The following ADGRL2 variants were observed in gnomAD, a reference collection of about 807,000 sequenced individuals.
The protein encoded by ADGRL2 is adhesion G protein-coupled receptor L2.
In ADGRL2, 44 loss-of-function variants were observed where a neutral mutation model predicts 157.4. The observed-to-expected ratio is 0.28, with a 90% CI of 0.22 to 0.36. ADGRL2 has a LOEUF of 0.36. ADGRL2 is among the 10% of genes least tolerant of loss of function. The pLI is 1.00. For synonymous variants in ADGRL2, 585 were observed against 624.7 expected (o/e 0.94, Z 0.95); for missense variants, 1,510 against 1,768.9 (o/e 0.85, Z 2.63).
In ADGRL2 at chr1:81,422,885, A is replaced by G. The variant is rs188626246; in HGVS notation, c.-301-22151A>G. 1.9e-3 allele frequency among the ~76,000 whole-genome samples: 297 copies of G among 152,354 alleles called. 1 individual carries two copies. The highest frequency in any genetic ancestry group is 0.012 in the South Asian group (56 of 4,832). ...TGTTTGCTTTTGTCCCAAAACATAC[A>G]CAATGTATTTCAAATCTATGCTGTG... On this transcript the variant is annotated intron_variant, in intron 1 of 24. Coordinates refer to the ADGRL2 transcript ENST00000370721.
chr1:81,481,267 T>G (rs575534370), intron 2 of ADGRL2, among the ~76,000 whole-genome samples: 5 of 152,338 alleles, frequency 3.3e-5, no homozygotes, highest in African/African-American at 1.2e-4. Flanking sequence ...AAAATTTAAC[T>G]TTAGAAACAA....
intron 11 of ADGRL2, among the ~76,000 whole-genome samples, chr1:81,962,283 A>AT (rs1310779996): frequency 3.3e-5 from 5 of 152,080 alleles, no homozygotes; most frequent in African/African-American, 1.2e-4. Flanking sequence ...CTTCATGTTG[A>AT]TTTTTTTAAC....
At chr1:81,726,681 A>C (rs114576363) in intron 1 of ADGRL2, among the ~76,000 whole-genome samples, 1 of 152,326 alleles carries the variant, frequency 6.6e-6, no homozygotes, top group Admixed American at 6.5e-5. Context: ...CATGTTCACT[A>C]TACGTACTCT....
chr1:81,650,535 C>T (rs1423571987), intron 3 of ADGRL2, among the ~76,000 whole-genome samples: 1 of 145,176 alleles, frequency 6.9e-6, no homozygotes, highest in Admixed American at 7.0e-5. Context: ...GAGATCGTGC[C>T]ACTGCACTCT....
rs1485069008 is a variant in ADGRL2, at chr1:81,663,762, G to T, written c.-143+82782G>T. Among the ~76,000 whole-genome samples the T allele has an allele frequency of 1.1e-4, 16 of 152,188 alleles. No individual in the cohort carries two copies. In the East Asian group the frequency reaches 3.1e-3, roughly 29 times the overall value. On this transcript the variant is annotated intron_variant, in intron 3 of 24. Transcript: ENST00000370721. ...ATTTGCAGGGTCCAGGCATTTGCTG[G>T]TCATGCTAATCGTTAAAGTCATGTT...
At chr1:81,957,945 G>C (rs1377340393) in intron 11 of ADGRL2, among the ~76,000 whole-genome samples, 1 of 151,758 alleles carries the variant, frequency 6.6e-6, no homozygotes, top group Admixed American at 6.6e-5. Context: ...GCAGGCGGAT[G>C]AGGTCAGGAG....
At chr1:81,521,052 A>C (rs2079302501) in intron 2 of ADGRL2, among the ~76,000 whole-genome samples, 1 of 152,222 alleles carries the variant, frequency 6.6e-6, no homozygotes, top group Non-Finnish European at 1.5e-5. Flanking sequence ...ATCACATTGG[A>C]TAGAACTGCT....
intron 1 of ADGRL2, among the ~76,000 whole-genome samples, chr1:81,347,326 G>A (rs1184990975): frequency 4.6e-5 from 7 of 151,966 alleles, no homozygotes; most frequent in East Asian, 1.9e-4. Context: ...GCTTGAACCC[G>A]GGAAGCAGAG....
In ADGRL2 at chr1:81,399,353, T is replaced by C. The variant is rs76382678; in HGVS notation, c.-301-45683T>C. Among the ~76,000 whole-genome samples the C allele has an allele frequency of 7.2e-3, 1,098 of 152,360 alleles. 17 individuals are homozygous for C. Among genetic ancestry groups the C allele is most frequent in the South Asian group, 0.055 (265 of 4,828 alleles). ...ATTTGGGGATTTTTCAGCTATAATTTTATTATATAGGTTTTCTATGCCTTT... is the reference window on the plus strand; with the variant it reads ...ATTTGGGGATTTTTCAGCTATAATTCTATTATATAGGTTTTCTATGCCTTT... On this transcript the variant is annotated intron_variant, in intron 1 of 24. Coordinates refer to the ADGRL2 transcript ENST00000370721.
At chr1:81,416,530 A>T (rs1424548794) in intron 1 of ADGRL2, among the ~76,000 whole-genome samples, 1 of 152,214 alleles carries the variant, frequency 6.6e-6, no homozygotes, top group Non-Finnish European at 1.5e-5. Context: ...TAGTAGATTA[A>T]ATAATCAGTT....
intron 2 of ADGRL2, among the ~76,000 whole-genome samples, chr1:81,487,108 A>AAAAAAAAAAAT (rs537612028): frequency 4.4e-5 from 6 of 135,492 alleles, no homozygotes; most frequent in Non-Finnish European, 6.3e-5. Context: ...AAAAAAAAAA[A>AAAAAAAAAAAT]AGAAAGTAAA....
intron 1 of ADGRL2, among the ~76,000 whole-genome samples, chr1:81,357,497 T>C (rs1663401858): frequency 6.6e-6 from 1 of 152,204 alleles, no homozygotes; most frequent in African/African-American, 2.4e-5. Flanking sequence ...TATTAGGATA[T>C]AACTCAATGT....
intron 2 of ADGRL2, among the ~76,000 whole-genome samples, chr1:81,893,007 A>G (rs2094302374): frequency 6.6e-6 from 1 of 152,128 alleles, no homozygotes; most frequent in Non-Finnish European, 1.5e-5. Flanking sequence ...TTGTAAAGAA[A>G]CTTCTTCAAG....
intron 1 of ADGRL2, among the ~76,000 whole-genome samples, chr1:81,801,752 C>G (rs1222116723): frequency 6.6e-6 from 1 of 152,176 alleles, no homozygotes; most frequent in Non-Finnish European, 1.5e-5. Context: ...GGGGCTTCGC[C>G]TGACAAACTG....
rs183318933 is a variant in ADGRL2, at chr1:81,753,652, A to G, written c.-142-8159A>G. Among the ~76,000 whole-genome samples, 11 of 152,328 alleles carry G rather than the reference A, an allele frequency of 7.2e-5. No homozygotes were observed. In the East Asian group the frequency reaches 2.1e-3, roughly 29 times the overall value. On this transcript the variant is annotated intron_variant, in intron 1 of 20. Transcript: ENST00000359929. ...AAAGTACATAATTTCAGAAATTATG[A>G]TATTAGAATATCCAGTTTGTCAATT... is the stretch of plus-strand genomic sequence containing the variant.
At chr1:81,681,149 T>G (rs936788774) in intron 3 of ADGRL2, among the ~76,000 whole-genome samples, 5 of 152,244 alleles carry the variant, frequency 3.3e-5, no homozygotes, top group African/African-American at 1.2e-4. Flanking sequence ...CAGCTGCCTC[T>G]ATATCTTAAA....
At chr1:81,575,311 T>C (rs2080776292) in intron 2 of ADGRL2, among the ~76,000 whole-genome samples, 1 of 152,224 alleles carries the variant, frequency 6.6e-6, no homozygotes, top group Admixed American at 6.6e-5. Context: ...GTCTTATTAA[T>C]GTGTAGTTCC....
chr1:81,503,265 C>G (rs1055074804), intron 2 of ADGRL2: 3 of 1,614,190 alleles, frequency 1.9e-6, no homozygotes, highest in Non-Finnish European at 2.5e-6. Context: ...GCATTGGGAG[C>G]GTTAACATGT....
chr1:81,911,079 C>G (rs777114267), intron 3 of ADGRL2, among the ~76,000 whole-genome samples: 2 of 152,080 alleles, frequency 1.3e-5, no homozygotes, highest in Non-Finnish European at 2.9e-5. Flanking sequence ...AATAAATACA[C>G]TTGTAATTCA....
Sources: allele counts gnomAD v4.1 joint callset (sites outside exome capture counted in the v4.1 genomes callset), GRCh38; gene constraint gnomAD v4.1.1; transcripts MANE v1.5; gene names NCBI Gene and HGNC (gene_info 2026-07-23, HGNC 2026-07-21).